MEGF10: variants seen among roughly 807,000 people sequenced by gnomAD.
MEGF10 encodes the protein multiple EGF like domains 10, also known as multiple epidermal growth factor-like domains protein 10.
MEGF10 carries 86 observed loss-of-function variants against 147.5 expected under a neutral mutation model. The ratio of observed to expected loss-of-function variants is 0.58; its 90% confidence interval spans 0.49 to 0.70. The LOEUF is 0.70. Among genes scored for constraint, MEGF10 ranks in the 30% least tolerant of loss-of-function variants. MEGF10 has a pLI of 0.00. For missense variants in MEGF10, 1,329 were observed against 1,487.3 expected (o/e 0.89, Z 1.75); for synonymous variants, 478 against 525.5 (o/e 0.91, Z 1.24).
At chr5:127,236,885 C>G in the MEGF10 span, among the ~76,000 whole-genome samples, 1 of 152,168 alleles carries the variant, frequency 6.6e-6, no homozygotes, top group African/African-American at 2.4e-5. Flanking sequence ...TAGACAGTCT[C>G]CTTGAGAGAA....
chr5:127,400,916 C>T (rs988190417), intron 7 of MEGF10, among the ~76,000 whole-genome samples: 4 of 152,176 alleles, frequency 2.6e-5, no homozygotes, highest in Admixed American at 2.6e-4. Context: ...TTCTTTACAA[C>T]ATGTTATTTG....
At chr5:127,269,021 G>A in the MEGF10 span, among the ~76,000 whole-genome samples, 3 of 152,354 alleles carry the variant, frequency 2.0e-5, 1 homozygote, top group South Asian at 6.2e-4. Context: ...ACCTGCAGCT[G>A]AGGGTCCTGA....
intron 23 of MEGF10, 126 bp downstream of exon 23, chr5:127,454,736 T>C (rs1210453734): frequency 5.1e-6 from 4 of 784,280 alleles, no homozygotes; most frequent in Non-Finnish European, 7.9e-6. Context: ...TGTGGTCAGT[T>C]ACTACAGCAA....
upstream of MEGF10, among the ~76,000 whole-genome samples, chr5:127,290,308 C>G (rs1311409408): frequency 6.6e-6 from 1 of 152,144 alleles, no homozygotes; most frequent in Non-Finnish European, 1.5e-5. Context: ...GGCTTAATCA[C>G]CATCCTTTCT....
chr5:127,421,870 T>A (rs1580850255), intron 12 of MEGF10, among the ~76,000 whole-genome samples: 1 of 149,410 alleles, frequency 6.7e-6, no homozygotes. Context: ...TAAATTTTTT[T>A]ATATTTTATA....
Position 127,423,270 on chromosome 5 carries a change from G to A in MEGF10, c.1693+498G>A, listed in dbSNP as rs74662709. Reference sequence around the variant, plus strand: ...TTTTTTACGATAATGTTCTGGTCATGACAAATTCATAATATGACTGAGTAC... The same window carrying A: ...TTTTTTACGATAATGTTCTGGTCATAACAAATTCATAATATGACTGAGTAC... On this transcript the variant is annotated intron_variant, in intron 13 of 24. Transcript: ENST00000503335. Among the ~76,000 whole-genome samples the A allele has an allele frequency of 3.2e-3, 487 of 152,278 alleles. 6 individuals are homozygous for A. The highest frequency in any genetic ancestry group is 0.011 in the African/African-American group (464 of 41,560).
At chr5:127,275,575 TTTCGAA>T in the MEGF10 span, among the ~76,000 whole-genome samples, 5,638 of 152,278 alleles carry the variant, frequency 0.037, 160 homozygotes, top group Middle Eastern at 0.099. Flanking sequence ...TACTGCTGCC[TTTCGAA>T]TTCGAAGATC....
At chr5:127,309,602 G>A (rs1760171705) in intron 1 of MEGF10, among the ~76,000 whole-genome samples, 1 of 152,210 alleles carries the variant, frequency 6.6e-6, no homozygotes, top group African/African-American at 2.4e-5. Context: ...GTCCAGCCAA[G>A]TTGTAGCATG....
intron 5 of MEGF10, among the ~76,000 whole-genome samples, chr5:127,393,289 C>T (rs980541057): frequency 1.3e-5 from 2 of 152,170 alleles, no homozygotes; most frequent in African/African-American, 4.8e-5. Flanking sequence ...TTCAGGATAA[C>T]TGGTCAAATT....
chr5:127,240,175 C>A, the MEGF10 span, among the ~76,000 whole-genome samples: 9 of 152,316 alleles, frequency 5.9e-5, 1 homozygote, highest in African/African-American at 1.7e-4. Flanking sequence ...GTCCCTCAGA[C>A]CAGAATGCTG....
chr5:127,338,222 A>G (rs1233967177), intron 2 of MEGF10, among the ~76,000 whole-genome samples: 1 of 152,070 alleles, frequency 6.6e-6, no homozygotes, highest in Non-Finnish European at 1.5e-5. Context: ...GTTTGTGTGA[A>G]TTAAAGATTT....
At chr5:127,287,391 G>A (rs972967323), upstream of MEGF10, among the ~76,000 whole-genome samples, 2 of 152,060 alleles carry the variant, frequency 1.3e-5, no homozygotes, top group Admixed American at 1.3e-4. Flanking sequence ...ATTTAGCCAT[G>A]TTGCAAAATG....
Position 127,457,342 on chromosome 5 carries a change from A to G in MEGF10, c.*24A>G, listed in dbSNP as rs1375127744. The G allele has an allele frequency of 3.7e-6, 6 of 1,604,260 alleles. No homozygotes were observed. Among genetic ancestry groups the G allele is most frequent in the Middle Eastern group, 1.7e-4 (1 of 6,032 alleles). ...GACACCAAAGGACCGCTTGGTAGCC[A>G]CTGGAACCCTTTCCAGAACTGCTGT... On this transcript the variant is annotated 3_prime_UTR_variant, in exon 25 of 25. Transcript: ENST00000503335.
Position 127,339,072 on chromosome 5 carries a change from A to G in MEGF10, c.117-48A>G. Reference sequence around the variant, plus strand: ...CTTTTAAATACATAGTATATTATTAATTTAAAAAAGAGAAATACTGATTTC... The same window carrying G: ...CTTTTAAATACATAGTATATTATTAGTTTAAAAAAGAGAAATACTGATTTC... On this transcript the variant is annotated intron_variant, in intron 2 of 24. Coordinates refer to ENST00000503335, the MANE Select transcript of MEGF10 (RefSeq NM_001256545.2). The G allele has an allele frequency of 2.3e-6, 3 of 1,278,376 alleles. No homozygotes were observed. The East Asian group carries it at 7.6e-5, about 32-fold the overall frequency. The allele number at this position is 1,278,376 out of a possible 1,614,324, so 79.2% of individuals were successfully genotyped here.
upstream of MEGF10, chr5:127,290,787 T>C (rs1009380929): frequency 7.0e-6 from 1 of 142,378 alleles, no homozygotes; most frequent in Non-Finnish European, 1.5e-5. Context: ...CCCTCCAGCA[T>C]CTCGGGCCAG....
intron 5 of MEGF10, among the ~76,000 whole-genome samples, chr5:127,395,824 G>A (rs1429130042): frequency 1.3e-5 from 2 of 152,088 alleles, no homozygotes; most frequent in African/African-American, 2.4e-5. Context: ...GATTACAGGC[G>A]TGAGCCACCG....
chr5:127,268,588 A>G, the MEGF10 span, among the ~76,000 whole-genome samples: 1 of 152,214 alleles, frequency 6.6e-6, no homozygotes, highest in Non-Finnish European at 1.5e-5. Context: ...CAAAGGGGCC[A>G]GGAAGCTTGA....
In MEGF10 at chr5:127,313,275, G is replaced by A. The variant is rs370147308; in HGVS notation, c.-18-18016G>A. Among the ~76,000 whole-genome samples, 10 of 152,154 alleles carry A rather than the reference G, an allele frequency of 6.6e-5. 1 individual carries two copies. The highest frequency in any genetic ancestry group is 4.6e-4 in the Admixed American group (7 of 15,282). ...TTTTGTTTGTTTCTAATTCCATGTA[G>A]CCATAGATCCACTTTGTAAGATTAT... On this transcript the variant is annotated intron_variant, in intron 1 of 24. Transcript: ENST00000503335.
At chr5:127,230,886 T>C in the MEGF10 span, among the ~76,000 whole-genome samples, 2 of 145,086 alleles carry the variant, frequency 1.4e-5, no homozygotes, top group Non-Finnish European at 3.0e-5. Context: ...GTGCCACTTA[T>C]TCAGTCCCTT....
Sources: allele counts gnomAD v4.1 joint callset (sites outside exome capture counted in the v4.1 genomes callset), GRCh38; gene constraint gnomAD v4.1.1; transcripts MANE v1.5; gene names NCBI Gene and HGNC (gene_info 2026-07-23, HGNC 2026-07-21).